Variants in NELL1 observed in about 807,000 individuals in gnomAD.
The protein encoded by NELL1 is protein kinase C-binding protein NELL1.
In NELL1, 76 loss-of-function variants were observed where a neutral mutation model predicts 107.4. That is an observed-to-expected ratio of 0.71 (90% confidence interval 0.59 to 0.86). The LOEUF is 0.86. Ranked by LOEUF, NELL1 falls within the 40% of genes least tolerant of loss-of-function variation. The probability of loss-of-function intolerance (pLI) is 0.00; values close to 1 mark genes in which losing one functional copy is unlikely to be tolerated. For synonymous variants in NELL1, 353 were observed against 341.2 expected, an observed-to-expected ratio of 1.03 and a Z score of -0.38; for missense variants, 1,024 against 1,005.5, an observed-to-expected ratio of 1.02 and a Z score of -0.25.
chr11:21,416,731 G>T (rs1162486082), intron 15 of NELL1, among the ~76,000 whole-genome samples: 1 of 152,016 alleles, frequency 6.6e-6, no homozygotes, highest in African/African-American at 2.4e-5. Flanking sequence ...TGATGGAGCT[G>T]GTGACAGGTT....
At chr11:20,777,237 A>G (rs1443820332) in intron 2 of NELL1, among the ~76,000 whole-genome samples, 1 of 152,258 alleles carries the variant, frequency 6.6e-6, no homozygotes, top group Non-Finnish European at 1.5e-5. Context: ...GGTCATCTGT[A>G]AAGTAGGAAT....
intron 12 of NELL1, among the ~76,000 whole-genome samples, chr11:21,073,695 G>A (rs1475046362): frequency 6.6e-6 from 1 of 152,154 alleles, no homozygotes; most frequent in Admixed American, 6.6e-5. Context: ...CCTGGAGGAA[G>A]TAGCATTTGC....
intron 14 of NELL1, among the ~76,000 whole-genome samples, chr11:21,240,656 T>C (rs1947421): frequency 0.74 from 112,063 of 151,470 alleles, 41,752 homozygotes; most frequent in East Asian, 0.89. Context: ...AAGGGACTTT[T>C]GTGGCACAAG....
At chr11:21,362,976 T>G (rs1036990624) in intron 14 of NELL1, among the ~76,000 whole-genome samples, 1 of 145,076 alleles carries the variant, frequency 6.9e-6, no homozygotes, top group Non-Finnish European at 1.5e-5. Flanking sequence ...GCGAGAGGTC[T>G]CACCCAGCTC....
chr11:21,069,127 A>C (rs1853950449), intron 12 of NELL1, among the ~76,000 whole-genome samples: 1 of 152,172 alleles, frequency 6.6e-6, no homozygotes, highest in Non-Finnish European at 1.5e-5. Context: ...TTTGGCACGA[A>C]CAGAAGGCCT....
intron 13 of NELL1, among the ~76,000 whole-genome samples, chr11:21,173,268 G>C (rs1856644736): frequency 6.6e-6 from 1 of 151,734 alleles, no homozygotes; most frequent in Non-Finnish European, 1.5e-5. Context: ...AAGCTTGACT[G>C]TAGAGGCCAG....
intron 13 of NELL1, among the ~76,000 whole-genome samples, chr11:21,123,079 A>G (rs1311907035): frequency 6.6e-6 from 1 of 152,168 alleles, no homozygotes; most frequent in East Asian, 1.9e-4. Context: ...TCAGAAGGGA[A>G]AAGAGATTTC....
intron 10 of NELL1, among the ~76,000 whole-genome samples, chr11:20,939,827 G>A (rs1273897602): frequency 6.6e-6 from 1 of 152,168 alleles, no homozygotes; most frequent in African/African-American, 2.4e-5. Context: ...TGGGTGAGGA[G>A]GGAGTGAAGA....
chr11:20,899,082 T>C (rs942509420), intron 5 of NELL1, among the ~76,000 whole-genome samples: 1 of 152,124 alleles, frequency 6.6e-6, no homozygotes, highest in African/African-American at 2.4e-5. Flanking sequence ...CAATAACTTA[T>C]AGATCAAGCT....
At chr11:21,085,707 A>G (rs1051704970) in intron 12 of NELL1, among the ~76,000 whole-genome samples, 14 of 152,216 alleles carry the variant, frequency 9.2e-5, no homozygotes, top group African/African-American at 2.9e-4. Context: ...AAGGAATTTG[A>G]AACATTCAAA....
chr11:20,786,118 AG>A (rs1856950208), intron 3 of NELL1, among the ~76,000 whole-genome samples: 1 of 151,812 alleles, frequency 6.6e-6, no homozygotes, highest in Admixed American at 6.6e-5. Context: ...TGGGAGGCCA[AG>A]AAGGGCGGAT....
chr11:21,493,794 A>T (rs1564923037), intron 15 of NELL1, among the ~76,000 whole-genome samples: 1 of 152,112 alleles, frequency 6.6e-6, no homozygotes, highest in African/African-American at 2.4e-5. Context: ...AGTGTAGGTG[A>T]TAGATACCAC....
Position 20,669,619 on chromosome 11 carries a change from C to A in NELL1, c.-105C>A, listed in dbSNP as rs1435066307. 1 of 971,022 alleles carries A rather than the reference C, an allele frequency of 1.0e-6. No homozygotes were observed. Among genetic ancestry groups the A allele is most frequent in the Admixed American group, 2.0e-5 (1 of 49,998 alleles). 60.2% of individuals were successfully genotyped at this position (971,022 alleles called of 1,614,324 possible). On this transcript the variant is annotated 5_prime_UTR_variant, in exon 1 of 20. Transcript: ENST00000357134. The surrounding 1 kb of genome is among the most constrained non-coding windows in gnomAD (Gnocchi z 4.4). ...CTGCCGAGCCACCTCCCCCGCCGCC[C>A]GCTAGCAAGTTTGGCGGCTCCAAGC...
intron 13 of NELL1, among the ~76,000 whole-genome samples, chr11:21,224,651 A>T (rs1857847629): frequency 6.6e-6 from 1 of 152,052 alleles, no homozygotes; most frequent in Non-Finnish European, 1.5e-5. Context: ...ATTCTTTTAA[A>T]ATGTCTTCTT....
intron 15 of NELL1, among the ~76,000 whole-genome samples, chr11:21,476,274 A>G (rs1854331140): frequency 6.6e-6 from 1 of 152,146 alleles, no homozygotes; most frequent in Admixed American, 6.6e-5. Context: ...AACAAGGATT[A>G]TTAAGAAGTG....
intron 3 of NELL1, among the ~76,000 whole-genome samples, chr11:20,789,839 TTG>T (rs1159002752): frequency 6.6e-6 from 1 of 152,140 alleles, no homozygotes; most frequent in Non-Finnish European, 1.5e-5. Flanking sequence ...GGTCCTGCTG[TTG>T]TCTCTGCAGC....
At chr11:20,849,854 AT>A (rs1848764715) in intron 4 of NELL1, among the ~76,000 whole-genome samples, 2 of 152,340 alleles carry the variant, frequency 1.3e-5, no homozygotes, top group South Asian at 4.1e-4. Context: ...TGGGGAACAT[AT>A]TAAAAAAATG....
chr11:21,052,853 G>A (rs1565034782), intron 12 of NELL1, among the ~76,000 whole-genome samples: 1 of 152,072 alleles, frequency 6.6e-6, no homozygotes, highest in Non-Finnish European at 1.5e-5. Flanking sequence ...GGTGAGTCGA[G>A]GGAGTGGGAG....
At chr11:20,829,790 TA>T (rs1238915289) in intron 3 of NELL1, among the ~76,000 whole-genome samples, 2 of 152,062 alleles carry the variant, frequency 1.3e-5, no homozygotes, top group Admixed American at 6.6e-5. Flanking sequence ...AAGTTATTAT[TA>T]TTTTTTTTTG....
Sources: allele counts gnomAD v4.1 joint callset (sites outside exome capture counted in the v4.1 genomes callset), GRCh38; gene constraint gnomAD v4.1.1; non-coding constraint Gnocchi (gnomAD v3.1); transcripts MANE v1.5; gene names NCBI Gene and HGNC (gene_info 2026-07-23, HGNC 2026-07-21).